MAML2: variants seen among roughly 807,000 people sequenced by gnomAD.
MAML2 encodes mastermind-like protein 2.
Under a neutral mutation model 96.1 loss-of-function variants are expected in MAML2, and 22 were observed. The observed-to-expected ratio is 0.23, with a 90% CI of 0.16 to 0.33. The LOEUF (loss-of-function observed/expected upper bound fraction) is 0.33. MAML2 is among the 10% of genes least tolerant of loss of function. The pLI is 1.00. For synonymous variants in MAML2, 561 were observed against 521.3 expected (o/e 1.08, Z -1.04); for missense variants, 1,367 against 1,392.4 (o/e 0.98, Z 0.29).
intron 1 of MAML2, among the ~76,000 whole-genome samples, chr11:96,118,110 A>G (rs1318731357): frequency 6.6e-6 from 1 of 152,238 alleles, no homozygotes; most frequent in African/African-American, 2.4e-5. Flanking sequence ...ATCATCTGGT[A>G]GAGGAAGCAA....
At chr11:96,118,430 C>G (rs980249380) in intron 1 of MAML2, among the ~76,000 whole-genome samples, 1 of 152,146 alleles carries the variant, frequency 6.6e-6, no homozygotes, top group Admixed American at 6.5e-5. Flanking sequence ...CCATGAAAGA[C>G]GTGCCTTGCT....
chr11:96,163,427 T>C (rs1861144913), intron 1 of MAML2, among the ~76,000 whole-genome samples: 1 of 152,200 alleles, frequency 6.6e-6, no homozygotes, highest in Non-Finnish European at 1.5e-5. Context: ...ACCCACAATA[T>C]CATTCTTCCA....
intron 1 of MAML2, among the ~76,000 whole-genome samples, chr11:96,180,725 T>C (rs917854793): frequency 2.6e-5 from 4 of 152,156 alleles, no homozygotes; most frequent in Non-Finnish European, 5.9e-5. Flanking sequence ...TATGCAGTTA[T>C]AGGAACTGGT....
At chr11:96,316,624 A>C (rs967845426) in intron 1 of MAML2, among the ~76,000 whole-genome samples, 1 of 152,184 alleles carries the variant, frequency 6.6e-6, no homozygotes, top group Non-Finnish European at 1.5e-5. Flanking sequence ...TGGCTTGAAA[A>C]GCGAGGCAGG....
At chr11:96,316,135 GGATTT>G (rs1287388188) in intron 1 of MAML2, among the ~76,000 whole-genome samples, 1 of 152,110 alleles carries the variant, frequency 6.6e-6, no homozygotes, top group Non-Finnish European at 1.5e-5. Context: ...CTAGAGGGAT[GGATTT>G]GTTAGGGAAA....
chr11:96,201,234 G>C (rs1353414305), intron 1 of MAML2, among the ~76,000 whole-genome samples: 1 of 152,076 alleles, frequency 6.6e-6, no homozygotes, highest in Non-Finnish European at 1.5e-5. Context: ...ATTTACAAAG[G>C]GAAGTGAATC....
At chr11:96,109,210 G>A in intron 1 of MAML2, among the ~76,000 whole-genome samples, 1 of 152,102 alleles carries the variant, frequency 6.6e-6, no homozygotes, top group South Asian at 2.1e-4. Context: ...AGACATCATG[G>A]GCAGGGATGA....
At chr11:95,987,272 A>T (rs919804942) in intron 3 of MAML2, among the ~76,000 whole-genome samples, 2 of 152,266 alleles carry the variant, frequency 1.3e-5, no homozygotes, top group South Asian at 4.1e-4. Context: ...GTCTCATTTT[A>T]TCATGGTCTC....
At chr11:96,212,857 T>G (rs1303201143) in intron 1 of MAML2, among the ~76,000 whole-genome samples, 1 of 152,188 alleles carries the variant, frequency 6.6e-6, no homozygotes, top group African/African-American at 2.4e-5. Flanking sequence ...ACATGGTAAT[T>G]TAAGCAACAT....
intron 1 of MAML2, among the ~76,000 whole-genome samples, chr11:96,274,248 A>G (rs1370635209): frequency 9.2e-5 from 14 of 151,762 alleles, no homozygotes; most frequent in Admixed American, 9.2e-4. Context: ...ACGCCCTGCT[A>G]ATTTTTTTGT....
intron 1 of MAML2, among the ~76,000 whole-genome samples, chr11:96,308,873 G>C (rs1455171266): frequency 6.6e-6 from 1 of 152,152 alleles, no homozygotes; most frequent in Admixed American, 6.5e-5. Flanking sequence ...AATATTTATT[G>C]AATGAATGAA....
chr11:96,158,587 C>G (rs1249328542), intron 1 of MAML2, among the ~76,000 whole-genome samples: 1 of 152,178 alleles, frequency 6.6e-6, no homozygotes, highest in Non-Finnish European at 1.5e-5. Context: ...CTAGAACTGA[C>G]AAGTCCTAAT....
At chr11:96,315,221 G>GTGTT (rs67822388) in intron 1 of MAML2, among the ~76,000 whole-genome samples, 1 of 151,562 alleles carries the variant, frequency 6.6e-6, no homozygotes, top group African/African-American at 2.4e-5. Flanking sequence ...GTGGGGAATG[G>GTGTT]TATTGAAAAA....
chr11:96,008,149 T>C (rs1201258074), intron 2 of MAML2, among the ~76,000 whole-genome samples: 2 of 152,258 alleles, frequency 1.3e-5, no homozygotes, highest in Non-Finnish European at 2.9e-5. Context: ...TTTTCATTTG[T>C]GATTAAAACC....
At chr11:96,035,288 A>C (rs1858692788) in intron 2 of MAML2, among the ~76,000 whole-genome samples, 1 of 152,220 alleles carries the variant, frequency 6.6e-6, no homozygotes, top group Admixed American at 6.5e-5. Context: ...ATGCGAAGCC[A>C]ACCATAAGTA....
intron 1 of MAML2, among the ~76,000 whole-genome samples, chr11:96,281,584 A>G (rs1442359251): frequency 6.6e-6 from 1 of 152,144 alleles, no homozygotes; most frequent in East Asian, 1.9e-4. Context: ...CCTGGTTTTG[A>G]GAAATATTAA....
At chr11:96,002,755 GGAGGATGATGAGGATGAT>G (rs1565186418) in intron 2 of MAML2, among the ~76,000 whole-genome samples, 3 of 142,666 alleles carry the variant, frequency 2.1e-5, no homozygotes, top group East Asian at 2.3e-4. Flanking sequence ...GGGATGATGA[GGAGGATGATGAGGATGAT>G]GAGGATGATG....
At chr11:96,151,242 T>C (rs966354865) in intron 1 of MAML2, among the ~76,000 whole-genome samples, 1 of 152,224 alleles carries the variant, frequency 6.6e-6, no homozygotes, top group Non-Finnish European at 1.5e-5. Context: ...CTTTCACCTC[T>C]CTTTATCCTT....
chr11:96,281,359 C>A (rs1863061611), intron 1 of MAML2, among the ~76,000 whole-genome samples: 1 of 151,960 alleles, frequency 6.6e-6, no homozygotes, highest in African/African-American at 2.4e-5. Context: ...GCTAGTGTTG[C>A]CGCTAGGGGT....
Sources: allele counts gnomAD v4.1 joint callset (sites outside exome capture counted in the v4.1 genomes callset), GRCh38; gene constraint gnomAD v4.1.1; transcripts MANE v1.5; gene names NCBI Gene and HGNC (gene_info 2026-07-23, HGNC 2026-07-21).